The following OR10G7 variants were observed in gnomAD, a reference collection of about 807,000 sequenced individuals.
OR10G7 encodes the protein olfactory receptor family 10 subfamily G member 7.
For synonymous variants in OR10G7, 165 were observed against 167.4 expected (o/e 0.99, Z 0.11); for missense variants, 338 against 382.1 (o/e 0.88, Z 0.96).
At chr11:124,040,203 G>A (rs1318700343) in intron 1 of OR10G7, among the ~76,000 whole-genome samples, 1 of 152,064 alleles carries the variant, frequency 6.6e-6, no homozygotes, top group Non-Finnish European at 1.5e-5. Flanking sequence ...TAGCCAAGAA[G>A]AATGGAACCT....
rs1864208644 is a variant in OR10G7 at position 124,038,214 on chromosome 11, G to A, written c.788C>T (p.Ser263Phe). The stretch of plus-strand genomic sequence containing the variant: ...CACAACCCCATGCAAGGCGTCCCTG[G>A]AGCCTGGCCTCAGGTAAATGAAAAG... Reference protein sequence around the residue: ...PGLFIYLRPGSRDALHGVVAV... With the variant: ...PGLFIYLRPGFRDALHGVVAV... The change falls in exon 2 of 2, where the codon TCC (serine) becomes TTC (phenylalanine). Residue 263 changes from serine to phenylalanine, a missense_variant. Transcript: ENST00000641585. 1 of 1,614,076 alleles carries A rather than the reference G, an allele frequency of 6.2e-7. No homozygotes were observed.
chr11:124,036,378 A>C lies in OR10G7; in HGVS notation c.*1688T>G, dbSNP rs945114674. On this transcript the variant is annotated 3_prime_UTR_variant, in exon 2 of 2. Transcript: ENST00000641585. ...AGCATCTTTCCAAGTCAAAACTAAT[A>C]ATGAATCTCTCCTTGGGCATCCATT... 1 of 152,206 alleles carries C rather than the reference A, an allele frequency of 6.6e-6. No individual in the cohort carries two copies. The highest frequency in any genetic ancestry group is 1.5e-5 in the Non-Finnish European group (1 of 68,040). 9.4% of individuals were successfully genotyped at this position (152,206 alleles called of 1,614,324 possible). A position where few individuals can be genotyped will look rare whatever the true frequency, so the allele number is the denominator to read the frequency against.
chr11:124,039,046 A>C (rs1324319565), intron 1 of OR10G7, 25 bp from the exon 2 acceptor site: 1 of 1,580,472 alleles, frequency 6.3e-7, no homozygotes, highest in Non-Finnish European at 8.6e-7. Flanking sequence ...AGGAAGGGAG[A>C]TAGCATTTAC....
chr11:124,037,908 A>C lies in OR10G7; in HGVS notation c.*158T>G. ...TGGCTGCTTTAACTAGGATTCTAAC[A>C]AACACTCTGCAGAAAAAAATGAAAA... On this transcript the variant is annotated 3_prime_UTR_variant, in exon 2 of 2. Coordinates refer to ENST00000641585, the MANE Select transcript of OR10G7 (RefSeq NM_001004463.2). 1 of 534,198 alleles carries C rather than the reference A, an allele frequency of 1.9e-6. No homozygotes were observed. The highest frequency in any genetic ancestry group is 3.0e-5 in the East Asian group (1 of 33,342). The allele number at this position is 534,198 out of a possible 1,614,324, so 33.1% of individuals were successfully genotyped here. A position where few individuals can be genotyped will look rare whatever the true frequency, so the allele number is the denominator to read the frequency against.
At chr11:124,040,417 C>T (rs986218333) in intron 1 of OR10G7, among the ~76,000 whole-genome samples, 27 of 151,776 alleles carry the variant, frequency 1.8e-4, no homozygotes, top group African/African-American at 6.5e-4. Context: ...CACAATGTCC[C>T]AGACATTATA....
intron 1 of OR10G7, among the ~76,000 whole-genome samples, chr11:124,039,857 G>A (rs1157315504): frequency 6.6e-6 from 1 of 152,140 alleles, no homozygotes; most frequent in Non-Finnish European, 1.5e-5. Context: ...AATCTAGGTT[G>A]TGTGGTCCTT....
chr11:124,037,298 T>A lies in OR10G7; in HGVS notation c.*768A>T, dbSNP rs1002025822. 2.6e-5 allele frequency: 4 copies of A among 152,152 alleles called. No individual in the cohort carries two copies. The highest frequency in any genetic ancestry group is 4.8e-5 in the African/African-American group (2 of 41,408). 9.4% of individuals were successfully genotyped at this position (152,152 alleles called of 1,614,324 possible). ...TGCATATTTTTGTCTCTAAGATTAT[T>A]TGATCATTTTTGTATATTTATTATT... On this transcript the variant is annotated 3_prime_UTR_variant, in exon 2 of 2. Transcript: ENST00000641585.
rs186243090 is a variant in OR10G7, at chr11:124,036,494, T to A, written c.*1572A>T. ...GTGAATGCAGAGACCTTGTCTATTG[T>A]TTTTGCGTATCTACTGTTTAGCATG... On this transcript the variant is annotated 3_prime_UTR_variant, in exon 2 of 2. Coordinates refer to ENST00000641585, the MANE Select transcript of OR10G7 (RefSeq NM_001004463.2). The A allele has an allele frequency of 2.0e-5, 3 of 152,304 alleles. No homozygotes were observed. The East Asian group carries it at 5.8e-4, about 29-fold the overall frequency. The allele number at this position is 152,304 out of a possible 1,614,324, so 9.4% of individuals were successfully genotyped here. A position where few individuals can be genotyped will look rare whatever the true frequency, so the allele number is the denominator to read the frequency against.
intron 1 of OR10G7, among the ~76,000 whole-genome samples, chr11:124,039,660 C>T (rs1259096455): frequency 1.3e-5 from 2 of 152,124 alleles, no homozygotes; most frequent in Non-Finnish European, 2.9e-5. Flanking sequence ...TACCCTAGAT[C>T]AGGGGTCCTC....
intron 1 of OR10G7, among the ~76,000 whole-genome samples, chr11:124,040,347 T>C (rs994102486): frequency 6.6e-6 from 1 of 152,086 alleles, no homozygotes; most frequent in Admixed American, 6.5e-5. Flanking sequence ...CCATTATTTC[T>C]AGGATTTCTA....
rs1372644501 is a variant in OR10G7 at position 124,037,948 on chromosome 11, C to A, written c.*118G>T. The stretch of plus-strand genomic sequence containing the variant: ...AAAAATGAAAAATTAATTAACTGTC[C>A]AATTAAAAATTAAGACTGAATAATT... On this transcript the variant is annotated 3_prime_UTR_variant, in exon 2 of 2. Coordinates refer to ENST00000641585, the MANE Select transcript of OR10G7 (RefSeq NM_001004463.2). The A allele has an allele frequency of 6.0e-6, 4 of 668,266 alleles. No individual in the cohort carries two copies. Among genetic ancestry groups the A allele is most frequent in the East Asian group, 2.9e-5 (1 of 34,934 alleles). 41.4% of individuals were successfully genotyped at this position (668,266 alleles called of 1,614,324 possible).
rs747442781 is a variant in OR10G7 at position 124,038,442 on chromosome 11, G to T, written c.560C>A (p.Ala187Asp). 2 of 1,613,924 alleles carry T rather than the reference G, an allele frequency of 1.2e-6. No individual in the cohort carries two copies. Among genetic ancestry groups the T allele is most frequent in the Admixed American group, 3.3e-5 (2 of 60,004 alleles). The part of the protein sequence containing the change: ...FCDAPPILKL[A>D]CADTSANEMV... ...CTCGTTGGCTGAGGTGTCTGCACAG[G>T]CCAGTTTCAGGATGGGCGGTGCGTC... The change falls in exon 2 of 2, where the codon GCC (alanine) becomes GAC (aspartate). Residue 187 changes from alanine to aspartate, a missense_variant. Ala to Asp is a moderately radical substitution (Grantham distance 126). Transcript: ENST00000641585.
rs1565596494 is a variant in OR10G7, at chr11:124,038,019, A to T, written c.*47T>A. On this transcript the variant is annotated 3_prime_UTR_variant, in exon 2 of 2. Coordinates refer to ENST00000641585, the MANE Select transcript of OR10G7 (RefSeq NM_001004463.2). ...AATGCTTATGTTGAAGGTTTAATTT[A>T]ATTACAAATAAAAAAAGAAAAGTTA... 2.4e-6 allele frequency: 3 copies of T among 1,256,932 alleles called. No homozygotes were observed. Among genetic ancestry groups the T allele is most frequent in the Non-Finnish European group, 3.3e-6 (3 of 903,626 alleles). The allele number at this position is 1,256,932 out of a possible 1,614,324, so 77.9% of individuals were successfully genotyped here.
At chr11:124,039,316 A>G (rs17128251) in intron 1 of OR10G7, among the ~76,000 whole-genome samples, 86,665 of 151,836 alleles carry the variant, frequency 0.57, 27,862 homozygotes, top group Non-Finnish European at 0.73. Context: ...ACTCAAATTA[A>G]CAACACTTAG....
rs769686295 is a variant in OR10G7, at chr11:124,038,674, C to T, written c.328G>A (p.Glu110Lys). The change falls in exon 2 of 2, where the codon GAG becomes AAG. Residue 110 changes from glutamate (E) to lysine (K), a missense_variant. Physicochemically the swap from Glu to Lys is moderately conservative, Grantham distance 56. Transcript: ENST00000641585. ...GACATGACTGTGTAGAGGAAACACT[C>T]GGTGCTCCCCAGGAAGTGGAAAAAA... is the stretch of plus-strand genomic sequence containing the variant. ...LYFFHFLGSTECFLYTVMSYD... is the reference protein window; with the variant it reads ...LYFFHFLGSTKCFLYTVMSYD... The T allele has an allele frequency of 2.5e-6, 4 of 1,613,940 alleles. No individual in the cohort carries two copies. The highest frequency in any genetic ancestry group is 2.5e-6 in the Non-Finnish European group (3 of 1,180,008).
At chr11:124,039,320 C>G (rs1864225146) in intron 1 of OR10G7, among the ~76,000 whole-genome samples, 1 of 151,992 alleles carries the variant, frequency 6.6e-6, no homozygotes. Flanking sequence ...AAATTAACAA[C>G]ACTTAGGTGC....
chr11:124,036,389 C>T lies in OR10G7; in HGVS notation c.*1677G>A, dbSNP rs1864192850. 6.6e-6 allele frequency: 1 copy of T among 152,192 alleles called. No individual in the cohort carries two copies. The allele number at this position is 152,192 out of a possible 1,614,324, so 9.4% of individuals were successfully genotyped here. A position where few individuals can be genotyped will look rare whatever the true frequency, so the allele number is the denominator to read the frequency against. On this transcript the variant is annotated 3_prime_UTR_variant, in exon 2 of 2. Transcript: ENST00000641585. ...AAGTCAAAACTAATAATGAATCTCT[C>T]CTTGGGCATCCATTGCACTTACAAC...
In OR10G7 at chr11:124,041,023, T is replaced by C. The variant is rs1382454659; in HGVS notation, c.-158A>G. 4 of 152,162 alleles carry C rather than the reference T, an allele frequency of 2.6e-5. No homozygotes were observed. The highest frequency in any genetic ancestry group is 5.9e-5 in the Non-Finnish European group (4 of 68,028). 9.4% of individuals were successfully genotyped at this position (152,162 alleles called of 1,614,324 possible). ...GAAACTCTTTTTAAATAGAACTTAA[T>C]ATGAATTTGATGTCTTAGGAGACAC... On this transcript the variant is annotated 5_prime_UTR_variant, in exon 1 of 2. The change creates a new upstream start codon in the 5' untranslated region. Coordinates refer to ENST00000641585, the MANE Select transcript of OR10G7 (RefSeq NM_001004463.2).
At chr11:124,039,579 G>A (rs1328376468) in intron 1 of OR10G7, among the ~76,000 whole-genome samples, 1 of 152,160 alleles carries the variant, frequency 6.6e-6, no homozygotes, top group Admixed American at 6.5e-5. Context: ...TCTCTGGCCA[G>A]CTGCAGAACT....
Sources: allele counts gnomAD v4.1 joint callset (sites outside exome capture counted in the v4.1 genomes callset), GRCh38; gene constraint gnomAD v4.1.1; transcripts MANE v1.5; gene names NCBI Gene and HGNC (gene_info 2026-07-23, HGNC 2026-07-21).